DLL1: variants seen among roughly 807,000 people sequenced by gnomAD.
DLL1 encodes the protein delta-like protein 1.
A neutral mutation model predicts 75.1 loss-of-function variants in DLL1; 9 were observed. That is an observed-to-expected ratio of 0.12 (90% confidence interval 0.07 to 0.21). The LOEUF is 0.21. DLL1 is among the 10% of genes least tolerant of loss of function. The pLI is 1.00. For synonymous variants in DLL1, 477 were observed against 418.3 expected, an observed-to-expected ratio of 1.14 and a Z score of -1.71; for missense variants, 837 against 1,007.6, an observed-to-expected ratio of 0.83 and a Z score of 2.29.
In DLL1 at chr6:170,290,794, C is replaced by G. The variant is rs946039627; in HGVS notation, c.-655G>C. On this transcript the variant is annotated 5_prime_UTR_variant, in exon 1 of 11. Transcript: ENST00000366756. The surrounding 1 kb of genome is among the most constrained non-coding windows in gnomAD (Gnocchi z 4.7). ...TCCGCGTCTTTCCGATGAATCCAGC[C>G]AATGCCATCCAGTACACACGCGCAG... The G allele has an allele frequency of 5.3e-6, 3 of 567,726 alleles. No individual in the cohort carries two copies. Among genetic ancestry groups the G allele is most frequent in the Non-Finnish European group, 9.4e-6 (3 of 319,226 alleles). The allele number at this position is 567,726 out of a possible 1,614,324, so 35.2% of individuals were successfully genotyped here. A position where few individuals can be genotyped will look rare whatever the true frequency, so the allele number is the denominator to read the frequency against.
At position 170,288,064 on chromosome 6, in the gene DLL1, AC is replaced by A. The variant is rs547296317; in HGVS notation, c.670+174del. The stretch of plus-strand genomic sequence containing the variant: ...TGTTAAAATGTCTGCGTTGACCCCA[AC>A]CCCCCCACTGACGAGCTGTGACTTA... On this transcript the variant is annotated intron_variant, in intron 4 of 10. Coordinates refer to ENST00000366756, the MANE Select transcript of DLL1 (RefSeq NM_005618.4). 6.4e-4 allele frequency: 577 copies of A among 906,680 alleles called. 2 individuals carry two copies. In the African/African-American group the frequency reaches 7.8e-3, roughly 12 times the overall value. The allele number at this position is 906,680 out of a possible 1,614,324, so 56.2% of individuals were successfully genotyped here.
chr6:170,286,385 C>G (rs73790660), intron 4 of DLL1, 87 bp from the exon 5 acceptor site: 2 of 1,525,230 alleles, frequency 1.3e-6, no homozygotes, highest in Middle Eastern at 3.4e-4. Context: ...CACAACTCGC[C>G]GGCTTCAGTC....
At position 170,288,365 on chromosome 6, in the gene DLL1, G is replaced by T; in HGVS notation, c.544C>A (p.His182Asn). ...KYSYRFVCDEHYYGEGCSVFC... is the reference protein window; with the variant it reads ...KYSYRFVCDENYYGEGCSVFC... ...ACGGAGCAGCCCTCTCCGTAGTAGT[G>T]TTCGTCACACACGAAGCGGTAGGAG... Residue 182 changes from histidine (H) to asparagine (N), a missense_variant, in exon 4 of 11, where the codon CAC (histidine) becomes AAC (asparagine). By Grantham distance (68) the His-to-Asn change is moderately conservative (BLOSUM62 1). Around this residue, in one of 2 missense-constraint regions of DLL1, gnomAD observed 304 missense variants for 461.9 expected, o/e 0.66. Transcript: ENST00000366756. 6.2e-7 allele frequency: 1 copy of T among 1,614,106 alleles called. No individual in the cohort carries two copies. The highest frequency in any genetic ancestry group is 8.5e-7 in the Non-Finnish European group (1 of 1,180,054).
rs568991538 is a variant in DLL1 at position 170,289,276 on chromosome 6, G to A, written c.351+236C>T. The A allele has an allele frequency of 6.0e-5, 40 of 669,292 alleles. No homozygotes were observed. In the East Asian group the frequency reaches 7.4e-4, roughly 12 times the overall value. 41.5% of individuals were successfully genotyped at this position (669,292 alleles called of 1,614,324 possible). ...ATACGGAAATCTCCCGGGCGCGCTC[G>A]GCCTCTCCTCCTCGCCCCAGCGCGG... On this transcript the variant is annotated intron_variant, in intron 2 of 10. Transcript: ENST00000366756.
chr6:170,288,913 C>A lies in DLL1; in HGVS notation c.352-124G>T. 4.7e-6 allele frequency: 5 copies of A among 1,075,242 alleles called. No individual in the cohort carries two copies. The Admixed American group carries it at 9.0e-5, about 19-fold the overall frequency. 66.6% of individuals were successfully genotyped at this position (1,075,242 alleles called of 1,614,324 possible). A position where few individuals can be genotyped will look rare whatever the true frequency, so the allele number is the denominator to read the frequency against. The stretch of plus-strand genomic sequence containing the variant: ...CCTGAAGGCTGCAGGTCTGGGGCAG[C>A]GTGTCTGGAGAGGGTCTCCACGCAC... On this transcript the variant is annotated intron_variant, in intron 2 of 10. Transcript: ENST00000366756.
In DLL1 at chr6:170,289,543, G is replaced by A; in HGVS notation, c.320C>T (p.Pro107Leu). 6.5e-7 allele frequency: 1 copy of A among 1,535,082 alleles called. No individual in the cohort carries two copies. The highest frequency in any genetic ancestry group is 8.7e-7 in the Non-Finnish European group (1 of 1,146,428). Residue 107 changes from proline (P) to leucine (L), a missense_variant, in exon 2 of 11, where the codon CCC (proline) becomes CTC (leucine). By Grantham distance (98) the Pro-to-Leu change is moderately conservative. Transcript: ENST00000366756. Reference protein sequence around the residue: ...GGGADSAFSNPIRFPFGFTWP... With the variant: ...GGGADSAFSNLIRFPFGFTWP... The stretch of plus-strand genomic sequence containing the variant: ...GGTGAAGCCGAAGGGGAAGCGGATG[G>A]GGTTGCTGAACGCGGAGTCGGCGCC...
Position 170,290,266 on chromosome 6 carries a change from C to CGCA in DLL1, c.-130_-128dup. 1 of 1,095,164 alleles carries CGCA rather than the reference C, an allele frequency of 9.1e-7. No homozygotes were observed. Among genetic ancestry groups the CGCA allele is most frequent in the Non-Finnish European group, 1.3e-6 (1 of 781,862 alleles). The allele number at this position is 1,095,164 out of a possible 1,614,324, so 67.8% of individuals were successfully genotyped here. A position where few individuals can be genotyped will look rare whatever the true frequency, so the allele number is the denominator to read the frequency against. On this transcript the variant is annotated 5_prime_UTR_variant, in exon 1 of 11. Coordinates refer to ENST00000366756, the MANE Select transcript of DLL1 (RefSeq NM_005618.4). This position sits in a 1 kb window ranked among gnomAD's most constrained non-coding sequence, Gnocchi z 4.7. ...AAAGCGCCCTTGCCTCGCCCCAGACCGCAGGACCCAGGACTTCTTTCTTTA... is the reference window on the plus strand; with the variant it reads ...AAAGCGCCCTTGCCTCGCCCCAGACCGCAGCAGGACCCAGGACTTCTTTCTTTA...
rs775343030 is a variant in DLL1, at chr6:170,291,037, C to T, written c.-898G>A. ...GGCGAGAGCTGTCACAAAGGAGCCA[C>T]TTTTCCAAACCCTCCTCTCAATGGA... On this transcript the variant is annotated 5_prime_UTR_variant, in exon 1 of 11. The change creates a new upstream start codon in the 5' untranslated region. Coordinates refer to ENST00000366756, the MANE Select transcript of DLL1 (RefSeq NM_005618.4). 2.8e-6 allele frequency: 2 copies of T among 702,074 alleles called. No individual in the cohort carries two copies. Among genetic ancestry groups the T allele is most frequent in the South Asian group, 3.0e-5 (2 of 67,592 alleles). The allele number at this position is 702,074 out of a possible 1,614,324, so 43.5% of individuals were successfully genotyped here.
Position 170,285,414 on chromosome 6 carries a change from T to A in DLL1, c.872A>T (p.Tyr291Phe). ...GGLFCNQDLNYCTHHKPCKNG... is the reference protein window; with the variant it reads ...GGLFCNQDLNFCTHHKPCKNG... ...CTTGCAGGGCTTATGGTGTGTGCAG[T>A]AGTTCAGGTCTGTGAAGGGTGGGGA... is the stretch of plus-strand genomic sequence containing the variant. The change falls in exon 7 of 11, where the codon TAC becomes TTC. Residue 291 changes from tyrosine (Y) to phenylalanine (F), a missense_variant. This residue lies in a region of DLL1 where 304 missense variants were observed against 461.9 expected (regional missense o/e 0.66). Coordinates refer to ENST00000366756, the MANE Select transcript of DLL1 (RefSeq NM_005618.4). 6.2e-7 allele frequency: 1 copy of A among 1,614,138 alleles called. No individual in the cohort carries two copies. The highest frequency in any genetic ancestry group is 8.5e-7 in the Non-Finnish European group (1 of 1,180,020).
rs951791714 is a variant in DLL1, at chr6:170,290,979, C to T, written c.-840G>A. 12 of 701,532 alleles carry T rather than the reference C, an allele frequency of 1.7e-5. No homozygotes were observed. Among genetic ancestry groups the T allele is most frequent in the African/African-American group, 1.2e-4 (7 of 57,206 alleles). 43.5% of individuals were successfully genotyped at this position (701,532 alleles called of 1,614,324 possible). ...TATATTCAGCCGGCCGCCCGCATGG[C>T]TAATGAGATGCAAATCAGCAGCCCC... is the stretch of plus-strand genomic sequence containing the variant. On this transcript the variant is annotated 5_prime_UTR_variant, in exon 1 of 11. Transcript: ENST00000366756. This position sits in a 1 kb window ranked among gnomAD's most constrained non-coding sequence, Gnocchi z 4.7.
Position 170,290,931 on chromosome 6 carries a change from C to G in DLL1, c.-792G>C. The G allele has an allele frequency of 1.4e-6, 1 of 697,928 alleles. No individual in the cohort carries two copies. The highest frequency in any genetic ancestry group is 2.6e-6 in the Non-Finnish European group (1 of 382,516). The allele number at this position is 697,928 out of a possible 1,614,324, so 43.2% of individuals were successfully genotyped here. On this transcript the variant is annotated 5_prime_UTR_variant, in exon 1 of 11. Transcript: ENST00000366756. The surrounding 1 kb of genome is among the most constrained non-coding windows in gnomAD (Gnocchi z 4.7). Reference sequence around the variant, plus strand: ...CCGCGGGTGCGCGCAGAGGATCTGGCTCTCGCCGGCGCCTGCCGCCCTTAT... The same window carrying G: ...CCGCGGGTGCGCGCAGAGGATCTGGGTCTCGCCGGCGCCTGCCGCCCTTAT...
At chr6:170,285,767 C>G (rs1395180043) in intron 5 of DLL1, 68 bp from the exon 6 acceptor site, 2 of 1,603,556 alleles carry the variant, frequency 1.2e-6, no homozygotes, top group Admixed American at 3.3e-5. Flanking sequence ...CATTCTCACC[C>G]TAGAAACCAT....
At position 170,290,335 on chromosome 6, in the gene DLL1, C is replaced by T; in HGVS notation, c.-196G>A. On this transcript the variant is annotated 5_prime_UTR_variant, in exon 1 of 11. Transcript: ENST00000366756. This position sits in a 1 kb window ranked among gnomAD's most constrained non-coding sequence, Gnocchi z 4.7. Reference sequence around the variant, plus strand: ...TTCCCAAGGCCGCGGTTCTTTATATCCGCCCTGCGAGGTCCCGCGGCAGCC... The same window carrying T: ...TTCCCAAGGCCGCGGTTCTTTATATTCGCCCTGCGAGGTCCCGCGGCAGCC... The T allele has an allele frequency of 2.0e-6, 1 of 502,988 alleles. No homozygotes were observed. The highest frequency in any genetic ancestry group is 3.3e-6 in the Non-Finnish European group (1 of 305,056). 31.2% of individuals were successfully genotyped at this position (502,988 alleles called of 1,614,324 possible).
rs563745993 is a variant in DLL1 at position 170,283,569 on chromosome 6, C to G, written c.1710G>C (p.Arg570=). ...LGCAAVVVCV[R]LRLQKHRPPA... Reference sequence around the variant, plus strand: ...GGGGCCGGTGCTTCTGCAGCCTCAGCCGGACGCAGACCACCACAGCGGCAC... The same window carrying G: ...GGGGCCGGTGCTTCTGCAGCCTCAGGCGGACGCAGACCACCACAGCGGCAC... The change falls in exon 9 of 11, where the codon CGG becomes CGC. Residue 570 remains arginine, a synonymous_variant. Transcript: ENST00000366756. 4 of 1,613,266 alleles carry G rather than the reference C, an allele frequency of 2.5e-6. No individual in the cohort carries two copies. The African/African-American group carries it at 5.3e-5, about 21-fold the overall frequency.
At chr6:170,287,427 C>T (rs747286022) in intron 4 of DLL1, among the ~76,000 whole-genome samples, 9 of 152,192 alleles carry the variant, frequency 5.9e-5, no homozygotes, top group African/African-American at 1.4e-4. Context: ...TGGGCTGGGA[C>T]GGCCAGGCGT....
chr6:170,284,632 T>C (rs187328007), intron 8 of DLL1, among the ~76,000 whole-genome samples: 3 of 152,302 alleles, frequency 2.0e-5, no homozygotes, highest in Admixed American at 2.0e-4. Flanking sequence ...TGGGCATCAC[T>C]TACTGAACCT....
chr6:170,288,112 TG>T lies in DLL1; in HGVS notation c.670+126del, dbSNP rs1169787216. The T allele has an allele frequency of 3.5e-6, 5 of 1,427,178 alleles. No homozygotes were observed. The East Asian group carries it at 1.2e-4, about 35-fold the overall frequency. 88.4% of individuals were successfully genotyped at this position (1,427,178 alleles called of 1,614,324 possible). A position where few individuals can be genotyped will look rare whatever the true frequency, so the allele number is the denominator to read the frequency against. On this transcript the variant is annotated intron_variant, in intron 4 of 10. Transcript: ENST00000366756. ...CTTATAGCAATCCACTTCTGTCCTC[TG>T]GGCCTCAGTTTCCCCACCAGAACAT...
chr6:170,289,614 G>A lies in DLL1; in HGVS notation c.249C>T (p.Val83=), dbSNP rs1393061792. 5 of 1,536,664 alleles carry A rather than the reference G, an allele frequency of 3.3e-6. No homozygotes were observed. Among genetic ancestry groups the A allele is most frequent in the Admixed American group, 3.9e-5 (2 of 50,958 alleles). The change falls in exon 2 of 11, where the codon GTC becomes GTT. Residue 83 remains valine, a synonymous_variant. Transcript: ENST00000366756. ...AGGAGTCGACGCCCAGCACGGGGGT[G>A]ACGGCGCTGCCGTAGGTGCAGGGCG... ...PEPPCTYGSA[V]TPVLGVDSFS... is the part of the protein sequence containing the mutation.
At chr6:170,285,541 C>G in intron 6 of DLL1, 28 bp downstream of exon 6, 1 of 1,614,146 alleles carries the variant, frequency 6.2e-7, no homozygotes. Flanking sequence ...CTGGAGGGAG[C>G]AGGCTGCCTC....
Sources: allele counts gnomAD v4.1 joint callset (sites outside exome capture counted in the v4.1 genomes callset), GRCh38; gene constraint gnomAD v4.1.1; regional missense constraint gnomAD v4.1.1; non-coding constraint Gnocchi (gnomAD v3.1); transcripts MANE v1.5; gene names NCBI Gene and HGNC (gene_info 2026-07-23, HGNC 2026-07-21).